TTYH3: variants seen among roughly 807,000 people sequenced by gnomAD.
TTYH3 encodes protein tweety homolog 3.
A neutral mutation model predicts 68.2 loss-of-function variants in TTYH3; 23 were observed. The observed-to-expected ratio is 0.34, with a 90% confidence interval of 0.24 to 0.48. The LOEUF (loss-of-function observed/expected upper bound fraction) is 0.48, where lower values mean the gene tolerates loss of function less well. Among genes scored for constraint, TTYH3 ranks in the 20% least tolerant of loss-of-function variants. The pLI is 0.99. For missense variants in TTYH3, 768 were observed against 727.7 expected (o/e 1.06, Z -0.64); for synonymous variants, 360 against 332.8 (o/e 1.08, Z -0.89).
chr7:2,647,885 C>A (rs761638780), intron 4 of TTYH3, 74 bp from the exon 5 acceptor site: 8 of 1,552,804 alleles, frequency 5.2e-6, no homozygotes, highest in South Asian at 3.3e-5. Flanking sequence ...TCAGCTCCCC[C>A]TCAAGGGCCC....
Position 2,632,028 on chromosome 7 carries a change from C to G in TTYH3, c.-128C>G, listed in dbSNP as rs1241557809. The G allele has an allele frequency of 1.2e-5, 10 of 829,214 alleles. No individual in the cohort carries two copies. Among genetic ancestry groups the G allele is most frequent in the Admixed American group, 5.3e-5 (1 of 18,868 alleles). The allele number at this position is 829,214 out of a possible 1,614,324, so 51.4% of individuals were successfully genotyped here. ...CGAGCCGGGCCGAGCCGGGCCGGGC[C>G]GGGCCCAGGAGCGCGCGGATGATGC... On this transcript the variant is annotated 5_prime_UTR_variant, in exon 1 of 14. Coordinates refer to ENST00000258796, the MANE Select transcript of TTYH3 (RefSeq NM_025250.3).
intron 2 of TTYH3, 43 bp from the exon 3 acceptor site, chr7:2,647,099 T>C (rs1163601138): frequency 2.0e-6 from 3 of 1,519,144 alleles, no homozygotes; most frequent in African/African-American, 1.4e-5. Context: ...GTGGGGTGTG[T>C]GTGGGTGGGC....
chr7:2,632,330 C>T (rs1255022294), intron 1 of TTYH3, 52 bp downstream of exon 1: 4 of 1,485,362 alleles, frequency 2.7e-6, no homozygotes, highest in East Asian at 2.5e-5. Flanking sequence ...GTCACGGCCC[C>T]CTCCTCTCCC....
chr7:2,661,414 G>A (rs978985625), intron 13 of TTYH3, among the ~76,000 whole-genome samples: 5 of 152,124 alleles, frequency 3.3e-5, no homozygotes, highest in African/African-American at 4.8e-5. Context: ...CCTCAGAGGA[G>A]ACATCCCCTG....
At position 2,645,817 on chromosome 7, in the gene TTYH3, T is replaced by C. The variant is rs750137429; in HGVS notation, c.124-1036T>C. On this transcript the variant is annotated intron_variant, in intron 1 of 13. Coordinates refer to ENST00000258796, the MANE Select transcript of TTYH3 (RefSeq NM_025250.3). The surrounding 1 kb of genome is among the most constrained non-coding windows in gnomAD (Gnocchi z 4.8). ...AGAGGGGGTTCAGTCCCCCACAGGC[T>C]CCCAATTTCCCTACCAGACCTGAAA... is the stretch of plus-strand genomic sequence containing the variant. 4.2e-6 allele frequency: 2 copies of C among 470,726 alleles called. No homozygotes were observed. Among genetic ancestry groups the C allele is most frequent in the South Asian group, 3.1e-5 (2 of 64,562 alleles). The allele number at this position is 470,726 out of a possible 1,614,324, so 29.2% of individuals were successfully genotyped here.
At chr7:2,655,451 A>T (rs1011938126) in intron 9 of TTYH3, among the ~76,000 whole-genome samples, 5 of 152,224 alleles carry the variant, frequency 3.3e-5, no homozygotes, top group African/African-American at 1.2e-4. Context: ...CGGCCCCAAA[A>T]TCCATTTCAG....
Position 2,633,421 on chromosome 7 carries a change from G to A in TTYH3, c.123+1143G>A, listed in dbSNP as rs372372336. Among the ~76,000 whole-genome samples, 276 of 152,158 alleles carry A rather than the reference G, an allele frequency of 1.8e-3. 3 individuals carry two copies. Among genetic ancestry groups the A allele is most frequent in the African/African-American group, 6.2e-3 (256 of 41,522 alleles). On this transcript the variant is annotated intron_variant, in intron 1 of 13. Coordinates refer to ENST00000258796, the MANE Select transcript of TTYH3 (RefSeq NM_025250.3). ...CTGGGAGCCCACTGCTCCCAGCCTC[G>A]CGCTCACTTGCACCCAGGCCCCCCA...
rs1490955395 is a variant in TTYH3 at position 2,664,442 on chromosome 7, G to A, written c.*2703G>A. On this transcript the variant is annotated 3_prime_UTR_variant, in exon 14 of 14. Transcript: ENST00000258796. ...TGTTTTGTGTTTAACCATAATGGTT[G>A]TGTACTGAACCACTTCATATTTGTT... 6.6e-6 allele frequency: 1 copy of A among 152,258 alleles called. No individual in the cohort carries two copies. The highest frequency in any genetic ancestry group is 2.4e-5 in the African/African-American group (1 of 41,382). 9.4% of individuals were successfully genotyped at this position (152,258 alleles called of 1,614,324 possible).
chr7:2,658,679 C>T (rs879840060), intron 12 of TTYH3, among the ~76,000 whole-genome samples: 3 of 152,210 alleles, frequency 2.0e-5, no homozygotes, highest in Non-Finnish European at 4.4e-5. Context: ...GGCACAAGGA[C>T]TCTGTGGCCA....
Position 2,659,084 on chromosome 7 carries a change from G to A in TTYH3, c.1500+69G>A, listed in dbSNP as rs1041340343. 35 of 1,471,856 alleles carry A rather than the reference G, an allele frequency of 2.4e-5. No individual in the cohort carries two copies. In the East Asian group the frequency reaches 3.0e-4, roughly 13 times the overall value. 91.2% of individuals were successfully genotyped at this position (1,471,856 alleles called of 1,614,324 possible). A position where few individuals can be genotyped will look rare whatever the true frequency, so the allele number is the denominator to read the frequency against. ...TGGGGGTCCGCTGTTCCACTGCGTC[G>A]GTGGGCTGGTGTGGCATGTGCAGCC... On this transcript the variant is annotated intron_variant, in intron 13 of 13. Coordinates refer to ENST00000258796, the MANE Select transcript of TTYH3 (RefSeq NM_025250.3).
chr7:2,655,328 T>A (rs887768431), intron 9 of TTYH3, among the ~76,000 whole-genome samples: 6 of 152,174 alleles, frequency 3.9e-5, no homozygotes, highest in Admixed American at 2.0e-4. Context: ...GTATTTTTAG[T>A]AGAGACAGGG....
At chr7:2,637,301 C>A (rs1785705675) in intron 1 of TTYH3, among the ~76,000 whole-genome samples, 1 of 152,172 alleles carries the variant, frequency 6.6e-6, no homozygotes, top group South Asian at 2.1e-4. Context: ...GAGCGGGGAG[C>A]CCTGCAGCTT....
chr7:2,656,454 C>T lies in TTYH3; in HGVS notation c.1170C>T (p.Tyr390=), dbSNP rs370718972. The T allele has an allele frequency of 7.4e-6, 12 of 1,612,122 alleles. No individual in the cohort carries two copies. The Admixed American group carries it at 1.0e-4, about 13-fold the overall frequency. Residue 390 remains tyrosine, a synonymous_variant, in exon 11 of 14, where the codon TAC becomes TAT. Transcript: ENST00000258796. ...FCYDGVEGLI[Y]LALFSFVTAL... ...ATGACGGCGTGGAGGGCCTCATCTA[C>T]CTGGCCCTCTTCTCCTTCGTCACAG...
chr7:2,659,118 CTCTGGGG>C, intron 13 of TTYH3, 103 bp downstream of exon 13: 2 of 1,195,914 alleles, frequency 1.7e-6, no homozygotes, highest in East Asian at 2.5e-5. Flanking sequence ...CCAGTGTGAG[CTCTGGGG>C]GCAGCTGTGA....
Position 2,647,860 on chromosome 7 carries a change from G to C in TTYH3, c.627-99G>C, listed in dbSNP as rs750062356. The C allele has an allele frequency of 2.2e-6, 3 of 1,388,062 alleles. No homozygotes were observed. The Admixed American group carries it at 5.3e-5, about 24-fold the overall frequency. 86.0% of individuals were successfully genotyped at this position (1,388,062 alleles called of 1,614,324 possible). A position where few individuals can be genotyped will look rare whatever the true frequency, so the allele number is the denominator to read the frequency against. ...AGACGCTCTGAATGCCCTCTGGGGT[G>C]CCAGGCTGCTGGCCTCAGCTCCCCC... On this transcript the variant is annotated intron_variant, in intron 4 of 13. Transcript: ENST00000258796.
At chr7:2,649,153 T>A (rs1786089460) in intron 5 of TTYH3, among the ~76,000 whole-genome samples, 1 of 151,816 alleles carries the variant, frequency 6.6e-6, no homozygotes, top group Non-Finnish European at 1.5e-5. Context: ...GAGCTCTGAG[T>A]CCCCAGTTGC....
At chr7:2,643,333 C>A (rs10273972) in intron 1 of TTYH3, among the ~76,000 whole-genome samples, 5 of 145,918 alleles carry the variant, frequency 3.4e-5, no homozygotes, top group Non-Finnish European at 7.5e-5. Context: ...CCAGCCTGGG[C>A]GACAGAGCGA....
At chr7:2,644,945 G>T (rs568878953) in intron 1 of TTYH3, among the ~76,000 whole-genome samples, 5 of 152,356 alleles carry the variant, frequency 3.3e-5, no homozygotes, top group African/African-American at 1.2e-4. Flanking sequence ...CCCAAGGGGG[G>T]GCCAGGCAGG....
intron 9 of TTYH3, among the ~76,000 whole-genome samples, chr7:2,655,530 G>A (rs1191006235): frequency 6.6e-6 from 1 of 152,252 alleles, no homozygotes; most frequent in Non-Finnish European, 1.5e-5. Flanking sequence ...CTCCTGTGGA[G>A]TCGCTGTCAG....
Sources: gnomAD v4.1 joint callset for allele counts (sites outside exome capture counted in the v4.1 genomes callset) on GRCh38, gnomAD v4.1.1 for gene constraint, Gnocchi (gnomAD v3.1) non-coding constraint, MANE v1.5 for transcripts, NCBI Gene and HGNC (gene_info 2026-07-23, HGNC 2026-07-21) for gene names.